Variants in SLC9A9 observed in about 807,000 individuals in gnomAD.
The protein encoded by SLC9A9 is solute carrier family 9 member A9, also known as sodium/hydrogen exchanger 9.
A neutral mutation model predicts 77.8 loss-of-function variants in SLC9A9; 62 were observed. The ratio of observed to expected loss-of-function variants is 0.80; its 90% CI spans 0.65 to 0.98. SLC9A9 has a LOEUF of 0.98. Ranked by LOEUF, SLC9A9 falls within the 50% of genes least tolerant of loss-of-function variation. The pLI is 0.00. For missense variants in SLC9A9, 775 were observed against 774.9 expected (o/e 1.00, Z 0.00); for synonymous variants, 320 against 283.5 (o/e 1.13, Z -1.29).
intron 11 of SLC9A9, among the ~76,000 whole-genome samples, chr3:143,477,758 A>T (rs1274662243): frequency 6.6e-6 from 1 of 152,104 alleles, no homozygotes; most frequent in Non-Finnish European, 1.5e-5. Context: ...AGAATCACAG[A>T]CTATTTTTTA....
At chr3:143,729,798 C>T (rs1463997352) in intron 4 of SLC9A9, among the ~76,000 whole-genome samples, 2 of 152,130 alleles carry the variant, frequency 1.3e-5, no homozygotes, top group Non-Finnish European at 2.9e-5. Context: ...CTACTTAAGG[C>T]CTTTCCCAGC....
chr3:143,432,207 G>A (rs1233739222), intron 12 of SLC9A9, among the ~76,000 whole-genome samples: 3 of 152,160 alleles, frequency 2.0e-5, no homozygotes, highest in Non-Finnish European at 4.4e-5. Context: ...ACAGTGCTTG[G>A]CACACATGTA....
At chr3:143,320,270 G>A (rs1434591011) in intron 14 of SLC9A9, among the ~76,000 whole-genome samples, 1 of 152,226 alleles carries the variant, frequency 6.6e-6, no homozygotes, top group African/African-American at 2.4e-5. Context: ...CTGTTTGAGT[G>A]AATTACTGCC....
intron 4 of SLC9A9, among the ~76,000 whole-genome samples, chr3:143,765,849 G>T (rs537933007): frequency 2.8e-4 from 43 of 152,322 alleles, no homozygotes; most frequent in Admixed American, 4.6e-4. Context: ...TGTCCAATAG[G>T]ATGTTAGCAG....
At chr3:143,317,865 C>T (rs1368787072) in intron 14 of SLC9A9, among the ~76,000 whole-genome samples, 1 of 152,124 alleles carries the variant, frequency 6.6e-6, no homozygotes, top group Non-Finnish European at 1.5e-5. Context: ...GTAGCTGAGA[C>T]TACAGGCACC....
At chr3:143,305,910 C>T (rs2030760010) in intron 14 of SLC9A9, among the ~76,000 whole-genome samples, 1 of 152,182 alleles carries the variant, frequency 6.6e-6, no homozygotes, top group African/African-American at 2.4e-5. Flanking sequence ...AGAATGCTTG[C>T]TATTCATCAA....
intron 4 of SLC9A9, among the ~76,000 whole-genome samples, chr3:143,722,031 A>C (rs1403910194): frequency 6.6e-6 from 1 of 152,144 alleles, no homozygotes; most frequent in Non-Finnish European, 1.5e-5. Flanking sequence ...ACTTTTAAAA[A>C]GTGAACAAAG....
intron 4 of SLC9A9, among the ~76,000 whole-genome samples, chr3:143,728,549 T>C (rs1225505752): frequency 6.6e-6 from 1 of 151,988 alleles, no homozygotes; most frequent in Admixed American, 6.6e-5. Context: ...TTTGGATTTT[T>C]TCTGAAATGC....
chr3:143,464,713 A>G (rs1160728026), intron 12 of SLC9A9, among the ~76,000 whole-genome samples: 1 of 152,188 alleles, frequency 6.6e-6, no homozygotes, highest in Non-Finnish European at 1.5e-5. Flanking sequence ...GTAGAAATAC[A>G]AATTCTCAGG....
At chr3:143,503,276 TA>T in intron 9 of SLC9A9, 1 of 260,032 alleles carries the variant, frequency 3.8e-6, no homozygotes, top group East Asian at 1.2e-4. Context: ...GCTGGTGGTC[TA>T]GGAGGCCATG....
intron 4 of SLC9A9, among the ~76,000 whole-genome samples, chr3:143,735,243 A>T (rs1028474546): frequency 5.9e-5 from 9 of 152,232 alleles, no homozygotes; most frequent in Non-Finnish European, 1.0e-4. Context: ...CTAATGGTTA[A>T]AGCTTCTGCA....
chr3:143,661,700 T>C (rs899408306), intron 5 of SLC9A9, among the ~76,000 whole-genome samples: 2 of 152,178 alleles, frequency 1.3e-5, no homozygotes, highest in South Asian at 2.1e-4. Flanking sequence ...CCTTCCTCTA[T>C]TTTTAGTAGA....
At chr3:143,713,352 C>T (rs899102452) in intron 4 of SLC9A9, among the ~76,000 whole-genome samples, 2 of 152,088 alleles carry the variant, frequency 1.3e-5, no homozygotes, top group Non-Finnish European at 2.9e-5. Context: ...AGGTTAGAAA[C>T]ATGTTAGGTG....
At chr3:143,540,685 C>G (rs771663731) in intron 9 of SLC9A9, among the ~76,000 whole-genome samples, 1 of 152,130 alleles carries the variant, frequency 6.6e-6, no homozygotes, top group South Asian at 2.1e-4. Flanking sequence ...CAAATACATA[C>G]AAAGGACATT....
intron 9 of SLC9A9, among the ~76,000 whole-genome samples, chr3:143,512,785 G>C (rs1405325818): frequency 6.6e-6 from 1 of 152,194 alleles, no homozygotes; most frequent in Non-Finnish European, 1.5e-5. Flanking sequence ...CTGAGGCAGA[G>C]AATTGCTTGA....
chr3:143,659,972 C>G (rs191747540), intron 5 of SLC9A9, among the ~76,000 whole-genome samples: 4 of 152,324 alleles, frequency 2.6e-5, no homozygotes, highest in African/African-American at 9.6e-5. Flanking sequence ...GGTACACAAG[C>G]TCTCTCTTGC....
chr3:143,747,313 A>G (rs1042762492), intron 4 of SLC9A9, among the ~76,000 whole-genome samples: 8 of 150,036 alleles, frequency 5.3e-5, no homozygotes, highest in African/African-American at 2.0e-4. Context: ...CTGAGGCAGG[A>G]GAATTGCTTG....
At chr3:143,778,788 C>T (rs4839608) in intron 4 of SLC9A9, among the ~76,000 whole-genome samples, 108,178 of 152,064 alleles carry the variant, frequency 0.71, 39,043 homozygotes, top group African/African-American at 0.84. Flanking sequence ...AAACTGCACA[C>T]CAATAGAAGT....
intron 4 of SLC9A9, among the ~76,000 whole-genome samples, chr3:143,737,904 G>A (rs904448673): frequency 1.3e-5 from 2 of 152,102 alleles, no homozygotes; most frequent in Non-Finnish European, 2.9e-5. Context: ...TATGTAAGAC[G>A]TGTTCACATG....
Sources: gnomAD v4.1 joint callset for allele counts (sites outside exome capture counted in the v4.1 genomes callset) on GRCh38, gnomAD v4.1.1 for gene constraint, MANE v1.5 for transcripts, NCBI Gene and HGNC (gene_info 2026-07-23, HGNC 2026-07-21) for gene names.